The following STK38L variants were observed in gnomAD, a reference collection of about 807,000 sequenced individuals.
STK38L encodes the protein serine/threonine-protein kinase 38-like.
Under a neutral mutation model 59.7 loss-of-function variants are expected in STK38L, and 28 were observed. The observed-to-expected ratio is 0.47, with a 90% CI of 0.35 to 0.64. The LOEUF (loss-of-function observed/expected upper bound fraction) is 0.64. STK38L is among the 30% of genes least tolerant of loss of function. The pLI is 0.01. For missense variants in STK38L, 314 were observed against 555.8 expected (o/e 0.56, Z 4.37); for synonymous variants, 162 against 176.8 (o/e 0.92, Z 0.66).
intron 2 of STK38L, among the ~76,000 whole-genome samples, chr12:27,300,399 A>G (rs758854804): frequency 6.6e-6 from 1 of 152,338 alleles, no homozygotes; most frequent in Middle Eastern, 3.4e-3. Context: ...AAGTTACTGT[A>G]TCTCTTCCAG....
chr12:27,269,581 T>C (rs1345900790), intron 1 of STK38L, among the ~76,000 whole-genome samples: 3 of 152,230 alleles, frequency 2.0e-5, no homozygotes, highest in Admixed American at 1.3e-4. Flanking sequence ...TTCTTTTGGC[T>C]ACATGTTCAT....
chr12:27,308,314 C>T lies in STK38L; in HGVS notation c.187-25C>T, dbSNP rs1206803879. ...AAAACAACCTAATTATAAAATCATC[C>T]GTTTAAATTGTTTTTTTTTAATAGA... On this transcript the variant is annotated intron_variant, in intron 3 of 13. Transcript: ENST00000389032. This position sits in a 1 kb window ranked among gnomAD's most constrained non-coding sequence, Gnocchi z 4.5. The T allele has an allele frequency of 6.0e-6, 9 of 1,493,674 alleles. No individual in the cohort carries two copies. Among genetic ancestry groups the T allele is most frequent in the South Asian group, 1.3e-5 (1 of 75,518 alleles). The allele number at this position is 1,493,674 out of a possible 1,614,324, so 92.5% of individuals were successfully genotyped here.
In STK38L at chr12:27,322,222, A is replaced by G; in HGVS notation, c.1255A>G (p.Ile419Val). 1.2e-6 allele frequency: 2 copies of G among 1,613,932 alleles called. No individual in the cohort carries two copies. Among genetic ancestry groups the G allele is most frequent in the Non-Finnish European group, 1.7e-6 (2 of 1,179,932 alleles). ...SNFDDFPESD[I>V]LQPVPNTTEP... ...TTTTGATGACTTCCCTGAATCTGAT[A>G]TTTTACAACCAGGTAAGACAATCTG... is the stretch of plus-strand genomic sequence containing the variant. The change falls in exon 13 of 14, where the codon ATT becomes GTT. Residue 419 changes from isoleucine (I) to valine (V), a missense_variant. Around this residue, in one of 3 missense-constraint regions of STK38L, gnomAD observed 94 missense variants for 142.2 expected, o/e 0.66. Transcript: ENST00000389032.
At chr12:27,277,002 T>A (rs1943550694) in intron 1 of STK38L, among the ~76,000 whole-genome samples, 1 of 152,196 alleles carries the variant, frequency 6.6e-6, no homozygotes, top group Non-Finnish European at 1.5e-5. Flanking sequence ...TTATAAAGCA[T>A]TTTACCTCTT....
At chr12:27,252,703 G>C (rs536883444) in intron 1 of STK38L, among the ~76,000 whole-genome samples, 1 of 152,160 alleles carries the variant, frequency 6.6e-6, no homozygotes, top group Admixed American at 6.5e-5. Flanking sequence ...AAACAGAATA[G>C]ACTTTTTCTA....
intron 1 of STK38L, among the ~76,000 whole-genome samples, chr12:27,253,055 A>G (rs77633671): frequency 6.6e-6 from 1 of 152,338 alleles, no homozygotes; most frequent in Non-Finnish European, 1.5e-5. Context: ...TGTAGAGATT[A>G]GGAAAGCTTC....
In STK38L at chr12:27,312,557, T is replaced by C. The variant is rs1318482816; in HGVS notation, c.402T>C (p.His134=). ...SDMLEKEQVA[H]IRAERDILVE... is the part of the protein sequence containing the mutation. ...AAAATATATTCATCTAGGTGGCCCA[T>C]ATCCGAGCAGAAAGAGATATTTTGG... The change falls in exon 6 of 14, where the codon CAT becomes CAC. Residue 134 remains histidine (H), a synonymous_variant. Coordinates refer to ENST00000389032, the MANE Select transcript of STK38L (RefSeq NM_015000.4). 8 of 1,613,890 alleles carry C rather than the reference T, an allele frequency of 5.0e-6. No individual in the cohort carries two copies. Among genetic ancestry groups the C allele is most frequent in the Non-Finnish European group, 6.8e-6 (8 of 1,179,954 alleles).
Position 27,277,240 on chromosome 12 carries a change from G to A in STK38L, c.-11-20470G>A, listed in dbSNP as rs550296292. 2.5e-3 allele frequency among the ~76,000 whole-genome samples: 377 copies of A among 151,678 alleles called. 3 individuals are homozygous for A. The highest frequency in any genetic ancestry group is 8.5e-3 in the African/African-American group (352 of 41,384). The stretch of plus-strand genomic sequence containing the variant: ...TAATTTAAAGTACGAGTAATTACTC[G>A]TACTTTTAAAAGTATAAAGTATAAA... On this transcript the variant is annotated intron_variant, in intron 1 of 13. Coordinates refer to ENST00000389032, the MANE Select transcript of STK38L (RefSeq NM_015000.4).
chr12:27,288,978 T>A (rs1277913724), intron 1 of STK38L, among the ~76,000 whole-genome samples: 2 of 152,144 alleles, frequency 1.3e-5, no homozygotes, highest in Admixed American at 6.6e-5. Context: ...CTTTTAGGGA[T>A]GCCCATACTA....
chr12:27,314,680 T>G (rs778691123), intron 7 of STK38L, 22 bp downstream of exon 7: 1 of 1,565,640 alleles, frequency 6.4e-7, no homozygotes, highest in Admixed American at 2.0e-5. Context: ...AACTGGTGAA[T>G]TACTAGGCTG....
chr12:27,297,978 T>G, intron 2 of STK38L, 124 bp downstream of exon 2: 2 of 1,225,496 alleles, frequency 1.6e-6, no homozygotes, highest in East Asian at 2.4e-5. Context: ...TTTTTGAGTT[T>G]CCTGTACTGA....
At chr12:27,294,709 C>T (rs1591906588) in intron 1 of STK38L, among the ~76,000 whole-genome samples, 1 of 149,424 alleles carries the variant, frequency 6.7e-6, no homozygotes, top group East Asian at 1.9e-4. Context: ...CCTTCTTTGA[C>T]CTTTTTTTTT....
chr12:27,296,745 C>T (rs534671377), intron 1 of STK38L, among the ~76,000 whole-genome samples: 1 of 152,298 alleles, frequency 6.6e-6, no homozygotes, highest in South Asian at 2.1e-4. Flanking sequence ...TCTTTTTATC[C>T]AGATGTGGCT....
At chr12:27,318,196 G>A (rs538644013) in intron 11 of STK38L, among the ~76,000 whole-genome samples, 177 bp downstream of exon 11, 3 of 152,194 alleles carry the variant, frequency 2.0e-5, no homozygotes, top group South Asian at 2.1e-4. Flanking sequence ...AGAAAAAAAC[G>A]TAGGAATTAA....
At chr12:27,259,893 C>A (rs1225094451) in intron 1 of STK38L, among the ~76,000 whole-genome samples, 1 of 152,160 alleles carries the variant, frequency 6.6e-6, no homozygotes, top group Non-Finnish European at 1.5e-5. Flanking sequence ...CTTTGAAAAT[C>A]TGAGTTCATT....
chr12:27,312,059 TTAGTA>T (rs1186548132), intron 5 of STK38L, among the ~76,000 whole-genome samples: 77 of 152,252 alleles, frequency 5.1e-4, no homozygotes, highest in African/African-American at 1.8e-3. Flanking sequence ...TTTTGTATGT[TTAGTA>T]GAGACGGGGT....
intron 12 of STK38L, among the ~76,000 whole-genome samples, chr12:27,319,961 C>T (rs1944683237): frequency 6.6e-6 from 1 of 152,210 alleles, no homozygotes; most frequent in Non-Finnish European, 1.5e-5. Context: ...TCTGGCCATG[C>T]CACTTTCCTG....
At chr12:27,311,412 A>G (rs973387520) in intron 5 of STK38L, among the ~76,000 whole-genome samples, 1 of 152,244 alleles carries the variant, frequency 6.6e-6, no homozygotes, top group African/African-American at 2.4e-5. Flanking sequence ...TATCATAGAA[A>G]GGTTTACAAA....
chr12:27,249,630 G>T (rs528108831), intron 1 of STK38L, among the ~76,000 whole-genome samples: 2 of 152,204 alleles, frequency 1.3e-5, no homozygotes, highest in African/African-American at 2.4e-5. Flanking sequence ...GAGCCACTGC[G>T]CCTGGCCTAT....
Sources: gnomAD v4.1 joint callset for allele counts (sites outside exome capture counted in the v4.1 genomes callset) on GRCh38, gnomAD v4.1.1 for gene constraint, gnomAD v4.1.1 regional missense constraint, Gnocchi (gnomAD v3.1) non-coding constraint, MANE v1.5 for transcripts, NCBI Gene and HGNC (gene_info 2026-07-23, HGNC 2026-07-21) for gene names.